The following SLC25A48 variants were observed in gnomAD, a reference collection of about 807,000 sequenced individuals.
SLC25A48 encodes solute carrier family 25 member 48, also known as CTC-321K16.1.
A neutral mutation model predicts 32.2 loss-of-function variants in SLC25A48; 29 were observed. The ratio of observed to expected loss-of-function variants is 0.90; its 90% confidence interval spans 0.67 to 1.23. SLC25A48 has a LOEUF of 1.23. Among genes scored for constraint, SLC25A48 ranks in the 50% most tolerant of loss-of-function variants. The pLI is 0.00. For synonymous variants in SLC25A48, 164 were observed against 172.3 expected (o/e 0.95, Z 0.38); for missense variants, 399 against 422.7 (o/e 0.94, Z 0.49).
intron 4 of SLC25A48, among the ~76,000 whole-genome samples, chr5:135,816,720 A>G (rs1421155011): frequency 6.6e-6 from 1 of 152,224 alleles, no homozygotes; most frequent in African/African-American, 2.4e-5. Context: ...CCCTCCCACT[A>G]TAAACAACAA....
At chr5:135,679,882 G>A (rs989906440) in intron 3 of SLC25A48, among the ~76,000 whole-genome samples, 10 of 152,156 alleles carry the variant, frequency 6.6e-5, no homozygotes, top group African/African-American at 1.9e-4. Context: ...TTTCTCTCCA[G>A]AGCAATGCCT....
At chr5:135,799,440 A>T (rs1000171944) in intron 3 of SLC25A48, among the ~76,000 whole-genome samples, 1 of 151,254 alleles carries the variant, frequency 6.6e-6, no homozygotes, top group Non-Finnish European at 1.5e-5. Context: ...GGAGAAGATA[A>T]TGTGACTCCC....
upstream of SLC25A48, among the ~76,000 whole-genome samples, chr5:135,830,461 A>C (rs936675460): frequency 6.6e-6 from 1 of 152,204 alleles, no homozygotes; most frequent in Non-Finnish European, 1.5e-5. Flanking sequence ...ACCAGAGCCC[A>C]GGCAGCCCAG....
intron 4 of SLC25A48, 133 bp from the exon 5 acceptor site, chr5:135,871,328 G>A: frequency 9.2e-7 from 1 of 1,086,820 alleles, no homozygotes; most frequent in Non-Finnish European, 1.3e-6. Context: ...CTGCCAAGAA[G>A]GTCAGATTTG....
At chr5:135,679,937 A>C (rs1753855664) in intron 3 of SLC25A48, among the ~76,000 whole-genome samples, 2 of 152,158 alleles carry the variant, frequency 1.3e-5, no homozygotes, top group Non-Finnish European at 1.5e-5. Flanking sequence ...CTAGGGGCTC[A>C]TGAAAGTCTT....
intron 3 of SLC25A48, among the ~76,000 whole-genome samples, chr5:135,760,958 G>A (rs1026084263): frequency 6.6e-6 from 1 of 152,084 alleles, no homozygotes; most frequent in Non-Finnish European, 1.5e-5. Flanking sequence ...TGTTTGGAAA[G>A]TGACATTTTT....
chr5:135,767,936 G>A (rs1284039144), intron 3 of SLC25A48, among the ~76,000 whole-genome samples: 1 of 145,374 alleles, frequency 6.9e-6, no homozygotes, highest in Non-Finnish European at 1.5e-5. Flanking sequence ...ACACACCCCT[G>A]TGATATTGTT....
chr5:135,626,586 A>G (rs1387754113), intron 1 of SLC25A48, among the ~76,000 whole-genome samples: 1 of 152,204 alleles, frequency 6.6e-6, no homozygotes. Flanking sequence ...GTGTGCTTGC[A>G]TACATGTGTG....
intron 3 of SLC25A48, among the ~76,000 whole-genome samples, chr5:135,769,004 G>T (rs554548401): frequency 6.6e-6 from 1 of 151,750 alleles, no homozygotes; most frequent in Admixed American, 6.6e-5. Flanking sequence ...TTCAGGGGGT[G>T]TACACACCTC....
intron 1 of SLC25A48, among the ~76,000 whole-genome samples, chr5:135,620,557 G>A (rs139250238): frequency 7.4e-4 from 112 of 152,210 alleles, no homozygotes; most frequent in Admixed American, 1.4e-3. Context: ...CTTCAGCCCC[G>A]CAGCAGACTG....
At chr5:135,630,142 G>T (rs1452878142) in intron 2 of SLC25A48, among the ~76,000 whole-genome samples, 2 of 152,316 alleles carry the variant, frequency 1.3e-5, no homozygotes, top group Non-Finnish European at 2.9e-5. Context: ...GTCACTGAGA[G>T]TTCTGGGGAG....
At chr5:135,637,437 G>A (rs1030260889) in intron 3 of SLC25A48, among the ~76,000 whole-genome samples, 1 of 152,174 alleles carries the variant, frequency 6.6e-6, no homozygotes, top group African/African-American at 2.4e-5. Flanking sequence ...AGAGAAAGAT[G>A]TTACCAACTT....
chr5:135,837,765 T>G (rs1175766812), intron 1 of SLC25A48, among the ~76,000 whole-genome samples: 2 of 152,260 alleles, frequency 1.3e-5, no homozygotes, highest in African/African-American at 4.8e-5. Context: ...CATTATTGTG[T>G]GGCCTCCCCA....
At chr5:135,740,894 G>A (rs1449187660) in intron 3 of SLC25A48, among the ~76,000 whole-genome samples, 3 of 152,114 alleles carry the variant, frequency 2.0e-5, no homozygotes, top group Non-Finnish European at 1.5e-5. Context: ...GTGAGCCACT[G>A]CCCCCAGCCC....
chr5:135,739,007 C>A lies in SLC25A48; in HGVS notation c.-520-73516C>A, dbSNP rs181115750. 1.6e-3 allele frequency among the ~76,000 whole-genome samples: 238 copies of A among 152,254 alleles called. 1 individual carries two copies. The highest frequency in any genetic ancestry group is 5.6e-3 in the African/African-American group (233 of 41,556). ...TGAGGAAGGAGAATCACTTAAACCC[C>A]GGAGGCAGAGGTTGCAGTGAGCCAA... On this transcript the variant is annotated intron_variant, in intron 3 of 10. Transcript: ENST00000646290.
chr5:135,650,121 C>T (rs562256853), intron 3 of SLC25A48: 2 of 192,648 alleles, frequency 1.0e-5, no homozygotes, highest in South Asian at 8.2e-5. Context: ...TTAGGTGGCC[C>T]ATAATTGCTT....
At chr5:135,830,248 C>T (rs984123991), upstream of SLC25A48, among the ~76,000 whole-genome samples, 1 of 152,232 alleles carries the variant, frequency 6.6e-6, no homozygotes, top group South Asian at 2.1e-4. Context: ...TCTTTTCCGC[C>T]CGAGAGCCTC....
intron 3 of SLC25A48, among the ~76,000 whole-genome samples, chr5:135,723,376 T>TCACACACACA (rs1446274270): frequency 2.1e-5 from 1 of 47,744 alleles, no homozygotes; most frequent in African/African-American, 4.5e-5. Flanking sequence ...TCTCTCTCTC[T>TCACACACACA]CTCTCACACA....
At chr5:135,697,081 GT>G (rs1389358192) in intron 3 of SLC25A48, among the ~76,000 whole-genome samples, 1 of 151,880 alleles carries the variant, frequency 6.6e-6, no homozygotes. Context: ...TATAATTATG[GT>G]TTTGAAAAAA....
Sources: gnomAD v4.1 joint callset for allele counts (sites outside exome capture counted in the v4.1 genomes callset) on GRCh38, gnomAD v4.1.1 for gene constraint, MANE v1.5 for transcripts, NCBI Gene and HGNC (gene_info 2026-07-23, HGNC 2026-07-21) for gene names.